The following ANKRD11 variants were observed in gnomAD, a reference collection of about 807,000 sequenced individuals.
The protein encoded by ANKRD11 is ankyrin repeat domain-containing protein 11.
Under a neutral mutation model 195.7 loss-of-function variants are expected in ANKRD11, and 17 were observed. That is an observed-to-expected ratio of 0.09 (90% CI 0.06 to 0.13). The LOEUF is 0.13. Ranked by LOEUF, ANKRD11 falls within the 10% of genes least tolerant of loss-of-function variation. The probability of loss-of-function intolerance (pLI) is 1.00; values close to 1 mark genes in which losing one functional copy is unlikely to be tolerated. For missense variants in ANKRD11, 3,735 were observed against 3,566.1 expected, an observed-to-expected ratio of 1.05 and a Z score of -1.21; for synonymous variants, 1,953 against 1,528.1, an observed-to-expected ratio of 1.28 and a Z score of -6.49.
intron 1 of ANKRD11, among the ~76,000 whole-genome samples, chr16:89,452,636 G>C (rs1476194257): frequency 6.6e-6 from 1 of 151,966 alleles, no homozygotes; most frequent in East Asian, 1.9e-4. Flanking sequence ...AATTAGCCGA[G>C]TGTGGTGGCG....
Position 89,279,618 on chromosome 16 carries a change from G to A in ANKRD11, c.6924C>T (p.Gly2308=), listed in dbSNP as rs146575027. The change falls in exon 9 of 13, where the codon GGC becomes GGT. Residue 2308 remains glycine (G), a synonymous_variant. Coordinates refer to ENST00000301030, the MANE Select transcript of ANKRD11 (RefSeq NM_013275.6). The surrounding 1 kb of genome is among the most constrained non-coding windows in gnomAD (Gnocchi z 5.6). ...RAAAPAEGPP[G]GIQPEAAEPK... is the part of the protein sequence containing the mutation. The stretch of plus-strand genomic sequence containing the variant: ...GTTCTGCGGCTTCCGGCTGGATGCC[G>A]CCAGGAGGGCCTTCGGCTGGGGCGG... 2.9e-3 allele frequency: 4,239 copies of A among 1,437,538 alleles called. 101 individuals are homozygous for A. In the African/African-American group the frequency reaches 0.05, roughly 17 times the overall value. The allele number at this position is 1,437,538 out of a possible 1,614,324, so 89.0% of individuals were successfully genotyped here.
intron 2 of ANKRD11, among the ~76,000 whole-genome samples, chr16:89,353,939 C>T (rs919834534): frequency 4.6e-5 from 7 of 152,206 alleles, no homozygotes; most frequent in Non-Finnish European, 7.4e-5. Flanking sequence ...TGAGGGGCGG[C>T]GGGCAGAGAT....
At chr16:89,305,071 T>A (rs903792389) in intron 4 of ANKRD11, 135 bp downstream of exon 4, 3 of 1,379,758 alleles carry the variant, frequency 2.2e-6, no homozygotes, top group Non-Finnish European at 2.9e-6. Flanking sequence ...CTGCTGCCTC[T>A]TGCCTGGACG....
intron 1 of ANKRD11, among the ~76,000 whole-genome samples, chr16:89,480,345 T>C (rs990776106): frequency 5.5e-5 from 8 of 144,458 alleles, no homozygotes; most frequent in Admixed American, 2.8e-4. Context: ...AGCCTGGTGG[T>C]GGGTGCCTGT....
intron 2 of ANKRD11, among the ~76,000 whole-genome samples, chr16:89,345,391 A>C (rs560820389): frequency 5.3e-5 from 8 of 152,132 alleles, no homozygotes; most frequent in Admixed American, 4.6e-4. Context: ...TCGTGGGTGG[A>C]CGAACGCTGG....
rs1400798892 is a variant in ANKRD11, at chr16:89,405,016, TCTC to T, written c.-60+13265_-60+13267del. Among the ~76,000 whole-genome samples, 9 of 151,894 alleles carry T rather than the reference TCTC, an allele frequency of 5.9e-5. 1 individual carries two copies. The highest frequency in any genetic ancestry group is 3.2e-3 in the Middle Eastern group (1 of 316). On this transcript the variant is annotated intron_variant, in intron 2 of 12. Transcript: ENST00000301030. ...TTCCAAAAAGAAACATCTAAAAACTTCTCCTCTCCCATCCCACCAGAGCCATGG... is the reference window on the plus strand; with the variant it reads ...TTCCAAAAAGAAACATCTAAAAACTTCTCTCCCATCCCACCAGAGCCATGG...
At chr16:89,450,913 C>G (rs2152314258) in intron 1 of ANKRD11, among the ~76,000 whole-genome samples, 1 of 152,344 alleles carries the variant, frequency 6.6e-6, no homozygotes, top group South Asian at 2.1e-4. Flanking sequence ...TGGCCCAATC[C>G]TGGTTTCCAT....
In ANKRD11 at chr16:89,282,915, C is replaced by T. The variant is rs745575561; in HGVS notation, c.3627G>A (p.Lys1209=). 6.2e-6 allele frequency: 10 copies of T among 1,613,030 alleles called. No individual in the cohort carries two copies. Among genetic ancestry groups the T allele is most frequent in the East Asian group, 2.2e-5 (1 of 44,864 alleles). ...EKVFEKHKEK[K]DKESTEKYKD... ...TGTACTTTTCTGTGGACTCTTTATC[C>T]TTCTTCTCCTTGTGCTTTTCAAAGA... Residue 1209 remains lysine, a synonymous_variant, in exon 9 of 13, where the codon AAG becomes AAA. Coordinates refer to ENST00000301030, the MANE Select transcript of ANKRD11 (RefSeq NM_013275.6).
chr16:89,280,868 G>A lies in ANKRD11; in HGVS notation c.5674C>T (p.Pro1892Ser), dbSNP rs2034165346. ...VFSSLQAKPS[P>S]SPRAELLVPS... ...ACCAGCAGCTCGGCTCTGGGGGAAG[G>A]GGAAGGTTTTGCTTGTAAACTTGAG... Residue 1892 changes from proline to serine, a missense_variant, in exon 9 of 13, where the codon CCT becomes TCT. Physicochemically the swap from Pro to Ser is moderately conservative, Grantham distance 74 (BLOSUM62 -1). Coordinates refer to ENST00000301030, the MANE Select transcript of ANKRD11 (RefSeq NM_013275.6). 6.2e-7 allele frequency: 1 copy of A among 1,604,836 alleles called. No individual in the cohort carries two copies. Among genetic ancestry groups the A allele is most frequent in the East Asian group, 2.2e-5 (1 of 44,604 alleles).
intron 1 of ANKRD11, among the ~76,000 whole-genome samples, chr16:89,458,017 G>C (rs1043514508): frequency 7.9e-5 from 12 of 151,986 alleles, no homozygotes; most frequent in Non-Finnish European, 1.8e-4. Flanking sequence ...CCACACCTGG[G>C]GACTGGAGAC....
intron 2 of ANKRD11, among the ~76,000 whole-genome samples, chr16:89,359,185 C>T (rs992283761): frequency 6.6e-6 from 1 of 152,092 alleles, no homozygotes; most frequent in Non-Finnish European, 1.5e-5. Flanking sequence ...GAAACAAGAT[C>T]ACGGAAATGC....
intron 2 of ANKRD11, among the ~76,000 whole-genome samples, chr16:89,397,333 C>G (rs2041483529): frequency 6.6e-6 from 1 of 152,234 alleles, no homozygotes; most frequent in Non-Finnish European, 1.5e-5. Context: ...ACGGATTCCA[C>G]CGTAAGTGCT....
At chr16:89,290,054 A>G (rs964328418) in intron 6 of ANKRD11, among the ~76,000 whole-genome samples, 1 of 152,228 alleles carries the variant, frequency 6.6e-6, no homozygotes, top group Admixed American at 6.5e-5. Context: ...AATAAAACCC[A>G]GCAAACAAGT....
intron 1 of ANKRD11, among the ~76,000 whole-genome samples, chr16:89,475,752 G>A (rs556028513): frequency 7.9e-5 from 12 of 152,206 alleles, no homozygotes; most frequent in South Asian, 2.1e-4. Context: ...TAAGGAACAC[G>A]AAAACAACTG....
intron 2 of ANKRD11, chr16:89,329,102 C>T (rs1484405025): frequency 6.5e-6 from 1 of 153,008 alleles, no homozygotes; most frequent in Admixed American, 6.5e-5. Flanking sequence ...CAAAGCCCAC[C>T]TCTTAGGTCA....
chr16:89,484,629 G>C (rs531634148), intron 1 of ANKRD11, among the ~76,000 whole-genome samples: 2 of 152,118 alleles, frequency 1.3e-5, no homozygotes, highest in African/African-American at 2.4e-5. Context: ...AGGTTTATTT[G>C]CTAATTTTAC....
rs201401760 is a variant in ANKRD11, at chr16:89,280,321, T to G, written c.6221A>C (p.Glu2074Ala). ...SFFSNCKSLP[E>A]APLDVAPEPA... is the part of the protein sequence containing the mutation. ...CTCGGGGGCCACGTCCAGCGGGGCT[T>G]CCGGAAGTGACTTGCAGTTGCTGAA... is the stretch of plus-strand genomic sequence containing the variant. The change falls in exon 9 of 13, where the codon GAA becomes GCA. Residue 2074 changes from glutamate to alanine, a missense_variant. By Grantham distance (107) the Glu-to-Ala change is moderately radical. Transcript: ENST00000301030. 1.2e-4 allele frequency: 191 copies of G among 1,586,480 alleles called. No homozygotes were observed. The African/African-American group carries it at 2.1e-3, about 17-fold the overall frequency.
intron 2 of ANKRD11, among the ~76,000 whole-genome samples, chr16:89,407,502 C>T (rs918850686): frequency 1.3e-5 from 2 of 152,098 alleles, no homozygotes; most frequent in Non-Finnish European, 2.9e-5. Flanking sequence ...GGCTGTTGCA[C>T]GACAGCCGCA....
chr16:89,293,436 T>G (rs543435657), intron 4 of ANKRD11, among the ~76,000 whole-genome samples: 71 of 132,488 alleles, frequency 5.4e-4, no homozygotes, highest in East Asian at 1.6e-3. Flanking sequence ...TGGGGCAGAG[T>G]TGGGGTTGCG....
Sources: gnomAD v4.1 joint callset for allele counts (sites outside exome capture counted in the v4.1 genomes callset) on GRCh38, gnomAD v4.1.1 for gene constraint, Gnocchi (gnomAD v3.1) non-coding constraint, MANE v1.5 for transcripts, NCBI Gene and HGNC (gene_info 2026-07-23, HGNC 2026-07-21) for gene names.